NOSTRIN: variants seen among roughly 807,000 people sequenced by gnomAD.
NOSTRIN encodes the protein nitric oxide synthase trafficking, also known as BM247 homolog.
In NOSTRIN, 63 loss-of-function variants were observed where a neutral mutation model predicts 59.0. The observed-to-expected ratio is 1.07, with a 90% CI of 0.87 to 1.32. NOSTRIN has a LOEUF of 1.32. Among genes scored for constraint, NOSTRIN ranks in the 40% most tolerant of loss-of-function variants. NOSTRIN has a pLI of 0.00. For missense variants in NOSTRIN, 512 were observed against 473.1 expected, an observed-to-expected ratio of 1.08 and a Z score of -0.76; for synonymous variants, 200 against 165.4, an observed-to-expected ratio of 1.21 and a Z score of -1.61.
chr2:168,864,749 C>G (rs1043995124), intron 15 of NOSTRIN, 85 bp from the exon 16 acceptor site: 1 of 1,493,606 alleles, frequency 6.7e-7, no homozygotes. Context: ...ATCCTTGAAG[C>G]AGAACCTCCT....
At chr2:168,862,093 G>T (rs368306515) in intron 15 of NOSTRIN, 44 bp downstream of exon 15, 30 of 1,545,946 alleles carry the variant, frequency 1.9e-5, no homozygotes, top group Non-Finnish European at 2.6e-5. Context: ...CCCATATTGA[G>T]ATTCTTAGCA....
intron 8 of NOSTRIN, among the ~76,000 whole-genome samples, chr2:168,844,032 A>G: frequency 6.6e-6 from 1 of 152,262 alleles, no homozygotes; most frequent in Non-Finnish European, 1.5e-5. Flanking sequence ...AAGTTAATTA[A>G]AACTATATTT....
At chr2:168,822,162 T>A (rs1205087875) in intron 2 of NOSTRIN, among the ~76,000 whole-genome samples, 3 of 152,182 alleles carry the variant, frequency 2.0e-5, no homozygotes, top group Admixed American at 2.0e-4. Context: ...AATCTATTTT[T>A]AAGTGCGATG....
intron 2 of NOSTRIN, among the ~76,000 whole-genome samples, chr2:168,791,427 A>G (rs1412075794): frequency 2.0e-5 from 3 of 152,184 alleles, no homozygotes; most frequent in Non-Finnish European, 4.4e-5. Flanking sequence ...AGTCTTTGCT[A>G]TTGTGAATAG....
chr2:168,811,372 T>C (rs1686125764), intron 1 of NOSTRIN, 195 bp from the exon 2 acceptor site: 2 of 333,524 alleles, frequency 6.0e-6, no homozygotes, highest in Non-Finnish European at 5.4e-6. Context: ...CTCCTGGGTC[T>C]TTCATATCCA....
intron 7 of NOSTRIN, among the ~76,000 whole-genome samples, chr2:168,840,182 T>G (rs573567902): frequency 2.4e-4 from 37 of 152,090 alleles, no homozygotes; most frequent in Non-Finnish European, 4.1e-4. Flanking sequence ...GCCAGGTTAA[T>G]GTTCACAAGC....
chr2:168,859,083 T>A lies in NOSTRIN; in HGVS notation c.1054-429T>A, dbSNP rs1309506410. 7.8e-5 allele frequency: 12 copies of A among 154,096 alleles called. No individual in the cohort carries two copies. The Admixed American group carries it at 7.8e-4, about 10-fold the overall frequency. 9.5% of individuals were successfully genotyped at this position (154,096 alleles called of 1,614,324 possible). On this transcript the variant is annotated intron_variant, in intron 12 of 15. Coordinates refer to ENST00000317647, the MANE Select transcript of NOSTRIN (RefSeq NM_001039724.4). ...TATCAAAGAACAAACAAACCTCACA[T>A]TCAATTTCATTTGCGTCTATTGATG...
intron 1 of NOSTRIN, among the ~76,000 whole-genome samples, chr2:168,809,378 C>T (rs1686022479): frequency 6.6e-6 from 1 of 152,162 alleles, no homozygotes; most frequent in African/African-American, 2.4e-5. Flanking sequence ...GGATAGCTTT[C>T]AGTCACATGG....
At position 168,791,947 on chromosome 2, in the gene NOSTRIN, G is replaced by A. The variant is rs180891878; in HGVS notation, c.-473+3899G>A. On this transcript the variant is annotated intron_variant, in intron 2 of 20. Transcript: ENST00000458381. ...ATTGTGTAGGTTGCCTGTTCACTCT[G>A]ATGGTAGTTTCTTTTGCTGTGCAGA... 3.3e-5 allele frequency among the ~76,000 whole-genome samples: 5 copies of A among 152,276 alleles called. No homozygotes were observed. In the East Asian group the frequency reaches 9.6e-4, roughly 29 times the overall value.
chr2:168,863,429 AATG>A, intron 15 of NOSTRIN: 1 of 985,106 alleles, frequency 1.0e-6, no homozygotes, highest in Non-Finnish European at 1.2e-6. Context: ...ATCACCTCAG[AATG>A]ATGCCAAATA....
At chr2:168,845,500 C>T (rs1355090065) in intron 8 of NOSTRIN, among the ~76,000 whole-genome samples, 1 of 152,198 alleles carries the variant, frequency 6.6e-6, no homozygotes, top group African/African-American at 2.4e-5. Flanking sequence ...TTGCCTTCTT[C>T]AATATATGTT....
intron 7 of NOSTRIN, among the ~76,000 whole-genome samples, chr2:168,838,621 G>T (rs916253575): frequency 3.3e-5 from 5 of 151,856 alleles, no homozygotes; most frequent in South Asian, 4.2e-4. Flanking sequence ...CTTTTGCTTG[G>T]TTTTTTGTAA....
At chr2:168,821,781 G>A (rs1686757397) in intron 2 of NOSTRIN, among the ~76,000 whole-genome samples, 1 of 152,230 alleles carries the variant, frequency 6.6e-6, no homozygotes, top group East Asian at 1.9e-4. Flanking sequence ...CAAAGGCCCT[G>A]AGGCAGGATG....
rs559816633 is a variant in NOSTRIN, at chr2:168,842,242, G to T, written c.505-750G>T. ...AGGGGAGAATGGGAGTGAGAGACAG[G>T]AGGGCAGAAGAAGGTCAGAGAGAAA... On this transcript the variant is annotated intron_variant, in intron 7 of 15. Coordinates refer to ENST00000317647, the MANE Select transcript of NOSTRIN (RefSeq NM_001039724.4). Among the ~76,000 whole-genome samples the T allele has an allele frequency of 1.2e-4, 18 of 152,316 alleles. No homozygotes were observed. In the South Asian group the frequency reaches 3.5e-3, roughly 30 times the overall value.
upstream of NOSTRIN, chr2:168,802,310 C>T (rs1430459744): frequency 2.4e-5 from 7 of 288,960 alleles, no homozygotes; most frequent in East Asian, 3.7e-4. Context: ...CCTGCACTGT[C>T]AGACCAAGCG....
chr2:168,847,084 C>G (rs116469775), intron 8 of NOSTRIN, among the ~76,000 whole-genome samples: 1 of 152,160 alleles, frequency 6.6e-6, no homozygotes, highest in East Asian at 1.9e-4. Context: ...TGAATAAACA[C>G]GCCTGCACCA....
chr2:168,820,264 ACT>A lies in NOSTRIN; in HGVS notation c.114-4365_114-4364del, dbSNP rs150351649. On this transcript the variant is annotated intron_variant, in intron 2 of 15. Coordinates refer to ENST00000317647, the MANE Select transcript of NOSTRIN (RefSeq NM_001039724.4). Reference sequence around the variant, plus strand: ...TGCCCTCAGGCTAGTGACTGACCCAACTCTCTGTGCCTTGGTGTTCCGTTCCA... The same window carrying A: ...TGCCCTCAGGCTAGTGACTGACCCAACTCTGTGCCTTGGTGTTCCGTTCCA... Among the ~76,000 whole-genome samples the A allele has an allele frequency of 1.6e-3, 241 of 151,916 alleles. 3 individuals carry two copies. The East Asian group carries it at 0.03, about 19-fold the overall frequency.
rs1689798212 is a variant in NOSTRIN at position 168,865,289 on chromosome 2, G to A, written c.*319G>A. On this transcript the variant is annotated 3_prime_UTR_variant, in exon 16 of 16. Coordinates refer to ENST00000317647, the MANE Select transcript of NOSTRIN (RefSeq NM_001039724.4). ...CCAAGGTGGGTTCAGCTGCTTGCCT[G>A]AAGTCAGAGTTATCTGGTAGACAAC... 4.4e-6 allele frequency: 1 copy of A among 228,610 alleles called. No individual in the cohort carries two copies. The highest frequency in any genetic ancestry group is 1.0e-4 in the East Asian group (1 of 9,636). The allele number at this position is 228,610 out of a possible 1,614,324, so 14.2% of individuals were successfully genotyped here.
chr2:168,795,521 C>G (rs1171912487), upstream of NOSTRIN, among the ~76,000 whole-genome samples: 1 of 152,168 alleles, frequency 6.6e-6, no homozygotes, highest in Non-Finnish European at 1.5e-5. Flanking sequence ...TAAATTTATA[C>G]TAACTTGTTT....
Sources: allele counts gnomAD v4.1 joint callset (sites outside exome capture counted in the v4.1 genomes callset), GRCh38; gene constraint gnomAD v4.1.1; transcripts MANE v1.5; gene names NCBI Gene and HGNC (gene_info 2026-07-23, HGNC 2026-07-21).